The following SGCZ variants were observed in gnomAD, a reference collection of about 807,000 sequenced individuals.
SGCZ encodes the protein zeta-sarcoglycan.
A neutral mutation model predicts 41.3 loss-of-function variants in SGCZ; 40 were observed. That is an observed-to-expected ratio of 0.97 (90% CI 0.75 to 1.26). The LOEUF (loss-of-function observed/expected upper bound fraction) is 1.26. Ranked by LOEUF, SGCZ falls within the 50% of genes most tolerant of loss-of-function variation. SGCZ has a pLI of 0.00. For synonymous variants in SGCZ, 206 were observed against 137.5 expected, an observed-to-expected ratio of 1.50 and a Z score of -3.49; for missense variants, 552 against 369.8, an observed-to-expected ratio of 1.49 and a Z score of -4.04.
intron 1 of SGCZ, among the ~76,000 whole-genome samples, chr8:15,210,538 T>G (rs1296818445): frequency 6.6e-6 from 1 of 152,168 alleles, no homozygotes; most frequent in African/African-American, 2.4e-5. Flanking sequence ...GGCTCTTGGC[T>G]GTCTTCAGAT....
chr8:14,155,274 C>T (rs1014477171), intron 5 of SGCZ, among the ~76,000 whole-genome samples: 3 of 152,040 alleles, frequency 2.0e-5, no homozygotes, highest in East Asian at 3.9e-4. Flanking sequence ...TCAAGTTATG[C>T]GTTTTTGTCT....
intron 2 of SGCZ, among the ~76,000 whole-genome samples, chr8:14,534,073 A>C (rs1347980933): frequency 6.6e-6 from 1 of 152,046 alleles, no homozygotes; most frequent in South Asian, 2.1e-4. Flanking sequence ...GTAGTCAGAC[A>C]AATGTGAATT....
At chr8:14,714,144 T>C (rs773805511) in intron 1 of SGCZ, among the ~76,000 whole-genome samples, 15 of 152,066 alleles carry the variant, frequency 9.9e-5, no homozygotes, top group Non-Finnish European at 1.3e-4. Flanking sequence ...ATTTTTTGTA[T>C]CTTTAGTAGA....
chr8:14,415,044 G>C (rs1306990045), intron 2 of SGCZ, among the ~76,000 whole-genome samples: 1 of 151,802 alleles, frequency 6.6e-6, no homozygotes, highest in African/African-American at 2.4e-5. Context: ...AAATTATCCT[G>C]CTACTTATAT....
intron 1 of SGCZ, among the ~76,000 whole-genome samples, chr8:14,999,886 G>A (rs1178692858): frequency 1.3e-5 from 2 of 152,152 alleles, no homozygotes; most frequent in African/African-American, 2.4e-5. Flanking sequence ...AAGATCACTG[G>A]GATAACGTGT....
At chr8:14,922,243 T>C (rs1246300434) in intron 1 of SGCZ, among the ~76,000 whole-genome samples, 1 of 151,886 alleles carries the variant, frequency 6.6e-6, no homozygotes, top group Admixed American at 6.6e-5. Flanking sequence ...GTGAAATAGG[T>C]GTAGGCACTT....
At chr8:14,190,530 G>A (rs1224280780) in intron 4 of SGCZ, among the ~76,000 whole-genome samples, 3 of 152,084 alleles carry the variant, frequency 2.0e-5, no homozygotes, top group Non-Finnish European at 4.4e-5. Context: ...TCTTTATGAG[G>A]TGGAGAATTA....
At chr8:15,021,278 C>T (rs957317036) in intron 1 of SGCZ, among the ~76,000 whole-genome samples, 13 of 152,130 alleles carry the variant, frequency 8.5e-5, no homozygotes, top group African/African-American at 3.1e-4. Flanking sequence ...TTGATTATAT[C>T]TGACTAATAT....
At chr8:14,738,689 C>T (rs1350571518) in intron 1 of SGCZ, among the ~76,000 whole-genome samples, 1 of 151,974 alleles carries the variant, frequency 6.6e-6, no homozygotes, top group African/African-American at 2.4e-5. Context: ...ATTAAGATTC[C>T]TTCAGAGGAG....
chr8:14,544,818 G>C (rs1462824650), intron 2 of SGCZ, among the ~76,000 whole-genome samples: 2 of 152,106 alleles, frequency 1.3e-5, no homozygotes, highest in Non-Finnish European at 2.9e-5. Context: ...CCTTTGCCTT[G>C]TGATCTTTCT....
At chr8:14,243,534 A>C (rs1798966465) in intron 3 of SGCZ, among the ~76,000 whole-genome samples, 1 of 152,230 alleles carries the variant, frequency 6.6e-6, no homozygotes, top group South Asian at 2.1e-4. Flanking sequence ...AGCTTGAAAG[A>C]AATTTATGTT....
Position 14,262,595 on chromosome 8 carries a change from GAT to G in SGCZ, c.337-24918_337-24917del, listed in dbSNP as rs202016697. On this transcript the variant is annotated intron_variant, in intron 3 of 7. Transcript: ENST00000382080. ...TAATTTCCATATTTAATTATAAAAG[GAT>G]ATATATATATAATCTACATTGTAGC... Among the ~76,000 whole-genome samples the G allele has an allele frequency of 4.1e-3, 620 of 150,756 alleles. 4 individuals carry two copies. Among genetic ancestry groups the G allele is most frequent in the African/African-American group, 0.014 (571 of 41,192 alleles).
intron 2 of SGCZ, among the ~76,000 whole-genome samples, chr8:14,515,658 A>T (rs551998010): frequency 6.6e-6 from 1 of 152,218 alleles, no homozygotes; most frequent in South Asian, 2.1e-4. Context: ...AGTTTATGTG[A>T]GTGAAAATTT....
At chr8:14,965,540 C>A (rs771167523) in intron 1 of SGCZ, among the ~76,000 whole-genome samples, 2 of 152,250 alleles carry the variant, frequency 1.3e-5, no homozygotes, top group South Asian at 4.1e-4. Context: ...ATGATGATCA[C>A]AAGCCCTTAT....
In SGCZ at chr8:14,430,223, C is replaced by G. The variant is rs1254473153; in HGVS notation, c.235-106019G>C. On this transcript the variant is annotated intron_variant, in intron 2 of 7. Transcript: ENST00000382080. ...AGCCAGTATCACCCTAATACCAAAA[C>G]CAGGAAAGGACATAAACAAAAAAGA... 2.0e-5 allele frequency among the ~76,000 whole-genome samples: 3 copies of G among 151,974 alleles called. No homozygotes were observed. In the East Asian group the frequency reaches 5.8e-4, roughly 30 times the overall value.
At position 14,817,105 on chromosome 8, in the gene SGCZ, G is replaced by C. The variant is rs905669270; in HGVS notation, c.40-262179C>G. Among the ~76,000 whole-genome samples the C allele has an allele frequency of 1.1e-4, 16 of 152,142 alleles. 1 individual carries two copies. Among genetic ancestry groups the C allele is most frequent in the African/African-American group, 3.6e-4 (15 of 41,420 alleles). On this transcript the variant is annotated intron_variant, in intron 1 of 7. Transcript: ENST00000382080. ...TATTTTGGTTCATCTCCCCTTCCCAGTAGTTATACCAACACTTCATTACAT... is the reference window on the plus strand; with the variant it reads ...TATTTTGGTTCATCTCCCCTTCCCACTAGTTATACCAACACTTCATTACAT...
intron 2 of SGCZ, among the ~76,000 whole-genome samples, chr8:14,499,196 C>G (rs1802077083): frequency 6.6e-6 from 1 of 151,844 alleles, no homozygotes; most frequent in Admixed American, 6.6e-5. Context: ...TATTTCTACC[C>G]ATATCTCTAT....
At chr8:14,809,954 T>C (rs1801690053) in intron 1 of SGCZ, among the ~76,000 whole-genome samples, 1 of 152,142 alleles carries the variant, frequency 6.6e-6, no homozygotes, top group South Asian at 2.1e-4. Context: ...TATTTAACTA[T>C]ATGGTTTTTC....
intron 2 of SGCZ, among the ~76,000 whole-genome samples, chr8:14,452,741 A>G (rs1471129056): frequency 6.6e-6 from 1 of 152,134 alleles, no homozygotes; most frequent in Non-Finnish European, 1.5e-5. Flanking sequence ...TTTGCTTTCA[A>G]TCAAAATATT....
Sources: gnomAD v4.1 joint callset for allele counts (sites outside exome capture counted in the v4.1 genomes callset) on GRCh38, gnomAD v4.1.1 for gene constraint, MANE v1.5 for transcripts, NCBI Gene and HGNC (gene_info 2026-07-23, HGNC 2026-07-21) for gene names.